Variants in ACTR2 observed in about 807,000 individuals in gnomAD.
ACTR2 encodes actin related protein 2.
In ACTR2, 5 loss-of-function variants were observed where a neutral mutation model predicts 50.2. The ratio of observed to expected loss-of-function variants is 0.10; its 90% CI spans 0.05 to 0.21. ACTR2 has a LOEUF of 0.21. Ranked by LOEUF, ACTR2 falls within the 10% of genes least tolerant of loss-of-function variation. The probability of loss-of-function intolerance (pLI) is 1.00; values close to 1 mark genes in which losing one functional copy is unlikely to be tolerated. For synonymous variants in ACTR2, 140 were observed against 162.9 expected, an observed-to-expected ratio of 0.86 and a Z score of 1.07; for missense variants, 180 against 480.6, an observed-to-expected ratio of 0.37 and a Z score of 5.85.
intron 8 of ACTR2, among the ~76,000 whole-genome samples, chr2:65,267,977 C>CA (rs1209749766): frequency 1.4e-5 from 2 of 145,032 alleles, no homozygotes; most frequent in East Asian, 4.3e-4. Context: ...GCTGGGACTA[C>CA]AGGCACCCAC....
intron 1 of ACTR2, among the ~76,000 whole-genome samples, chr2:65,235,627 C>T (rs1194770984): frequency 6.6e-5 from 10 of 151,978 alleles, no homozygotes; most frequent in East Asian, 1.9e-4. Flanking sequence ...CAGTGGCGAG[C>T]GCCTGTAATC....
chr2:65,250,354 A>T (rs187230507), intron 3 of ACTR2, among the ~76,000 whole-genome samples: 2 of 147,142 alleles, frequency 1.4e-5, no homozygotes, highest in Non-Finnish European at 3.0e-5. Context: ...ACAGAGCAAG[A>T]CTCCGTCTCA....
intron 2 of ACTR2, among the ~76,000 whole-genome samples, chr2:65,243,370 C>G (rs960337842): frequency 6.6e-6 from 1 of 152,082 alleles, no homozygotes; most frequent in East Asian, 1.9e-4. Flanking sequence ...TGTTTCATGC[C>G]TATAATTCCA....
intron 2 of ACTR2, chr2:65,242,139 C>G: frequency 9.2e-7 from 1 of 1,090,736 alleles, no homozygotes; most frequent in Non-Finnish European, 1.4e-6. Context: ...TTTTGTGTCC[C>G]TTTAGTATTG....
chr2:65,266,877 C>T (rs995951844), intron 8 of ACTR2, among the ~76,000 whole-genome samples: 1 of 152,176 alleles, frequency 6.6e-6, no homozygotes, highest in East Asian at 1.9e-4. Context: ...AGCTGCTTGA[C>T]AGCAGGTGCA....
At chr2:65,243,049 G>C (rs966226741) in intron 2 of ACTR2, among the ~76,000 whole-genome samples, 8 of 152,196 alleles carry the variant, frequency 5.3e-5, no homozygotes, top group Non-Finnish European at 1.0e-4. Context: ...GGGAGGCCCA[G>C]GCGGGTGGAT....
chr2:65,244,312 CACA>C, intron 2 of ACTR2, among the ~76,000 whole-genome samples: 1 of 151,628 alleles, frequency 6.6e-6, no homozygotes, highest in East Asian at 1.9e-4. Flanking sequence ...TTGTACAACA[CACA>C]AAAAAGACGT....
chr2:65,246,228 T>G, intron 2 of ACTR2: 1 of 207,278 alleles, frequency 4.8e-6, no homozygotes, highest in Non-Finnish European at 9.6e-6. Flanking sequence ...AGATGAAACC[T>G]CATACAAAAC....
intron 1 of ACTR2, among the ~76,000 whole-genome samples, chr2:65,235,169 G>GGTGTGT (rs35663752): frequency 1.1e-4 from 16 of 149,810 alleles, no homozygotes; most frequent in African/African-American, 3.2e-4. Flanking sequence ...GTGTGTGAGA[G>GGTGTGT]GTGTGTGTGT....
intron 2 of ACTR2, chr2:65,246,179 T>C (rs914085995): frequency 5.7e-6 from 1 of 174,574 alleles, no homozygotes; most frequent in Non-Finnish European, 1.2e-5. Flanking sequence ...ATTTCACATA[T>C]CACAGGCCTT....
At chr2:65,253,536 A>T (rs1672092858) in intron 4 of ACTR2, among the ~76,000 whole-genome samples, 192 bp from the exon 5 acceptor site, 1 of 136,222 alleles carries the variant, frequency 7.3e-6, no homozygotes, top group African/African-American at 2.7e-5. Flanking sequence ...ATAATAGTAG[A>T]CTAAAAGTCT....
intron 2 of ACTR2, among the ~76,000 whole-genome samples, chr2:65,244,111 C>A (rs1053208590): frequency 6.6e-6 from 1 of 152,066 alleles, no homozygotes; most frequent in Non-Finnish European, 1.5e-5. Context: ...TTCAGTTAAT[C>A]CTTTATAGTA....
intron 1 of ACTR2, among the ~76,000 whole-genome samples, chr2:65,232,607 ATAAATAT>A (rs906248393): frequency 9.8e-5 from 15 of 152,374 alleles, no homozygotes; most frequent in Middle Eastern, 3.4e-3. Context: ...TAAGGGGAAA[ATAAATAT>A]TAAATAAGCC....
intron 1 of ACTR2, among the ~76,000 whole-genome samples, chr2:65,235,847 A>G (rs1446708323): frequency 6.6e-6 from 1 of 152,242 alleles, no homozygotes; most frequent in East Asian, 1.9e-4. Flanking sequence ...TGGTGGCTCA[A>G]TATAAACTAA....
chr2:65,259,802 T>C (rs1311342877), intron 6 of ACTR2, among the ~76,000 whole-genome samples: 3 of 152,228 alleles, frequency 2.0e-5, no homozygotes, highest in Non-Finnish European at 4.4e-5. Flanking sequence ...CATGGAAATG[T>C]GTCAAATGCT....
intron 4 of ACTR2, among the ~76,000 whole-genome samples, chr2:65,251,758 C>T (rs1672055915): frequency 6.6e-6 from 1 of 152,126 alleles, no homozygotes; most frequent in Non-Finnish European, 1.5e-5. Flanking sequence ...AAAATCATGC[C>T]TGTCAAATAT....
intron 1 of ACTR2, among the ~76,000 whole-genome samples, chr2:65,233,190 T>C (rs1573146483): frequency 6.6e-6 from 1 of 152,158 alleles, no homozygotes; most frequent in African/African-American, 2.4e-5. Context: ...AGATGTGGTT[T>C]CTCCATGTTC....
chr2:65,258,707 G>C (rs150679623), intron 6 of ACTR2, among the ~76,000 whole-genome samples: 341 of 152,256 alleles, frequency 2.2e-3, no homozygotes, highest in African/African-American at 7.3e-3. Context: ...GACAAATACA[G>C]AACAGGATAA....
intron 5 of ACTR2, among the ~76,000 whole-genome samples, chr2:65,254,153 C>G (rs1455490007): frequency 6.6e-6 from 1 of 152,118 alleles, no homozygotes; most frequent in Non-Finnish European, 1.5e-5. Context: ...AGTGAGTAGA[C>G]AGATATTTCA....
Sources: allele counts gnomAD v4.1 joint callset (sites outside exome capture counted in the v4.1 genomes callset), GRCh38; gene constraint gnomAD v4.1.1; transcripts MANE v1.5; gene names NCBI Gene and HGNC (gene_info 2026-07-23, HGNC 2026-07-21).